KCNN3: variants seen among roughly 807,000 people sequenced by gnomAD.
KCNN3 encodes small conductance calcium-activated potassium channel protein 3.
Under a neutral mutation model 62.9 loss-of-function variants are expected in KCNN3, and 16 were observed. The observed-to-expected ratio is 0.25, with a 90% CI of 0.17 to 0.39. The LOEUF (loss-of-function observed/expected upper bound fraction) is 0.39. KCNN3 is among the 10% of genes least tolerant of loss of function. The pLI, the probability that KCNN3 is intolerant of heterozygous loss-of-function variation, is 1.00. For synonymous variants in KCNN3, 370 were observed against 389.2 expected, an observed-to-expected ratio of 0.95 and a Z score of 0.58; for missense variants, 599 against 949.4, an observed-to-expected ratio of 0.63 and a Z score of 4.85.
chr1:154,830,641 T>G (rs1651345422), intron 1 of KCNN3, among the ~76,000 whole-genome samples: 1 of 152,192 alleles, frequency 6.6e-6, no homozygotes, highest in Admixed American at 6.5e-5. Context: ...CTGGAGCATT[T>G]CCCTGGATCT....
chr1:154,838,742 G>C (rs1365706065), intron 1 of KCNN3, among the ~76,000 whole-genome samples: 2 of 152,184 alleles, frequency 1.3e-5, no homozygotes, highest in Admixed American at 1.3e-4. Flanking sequence ...ACAATTCTAA[G>C]TGCGTTGAGC....
chr1:154,798,566 C>T (rs981198714), intron 2 of KCNN3, among the ~76,000 whole-genome samples: 19 of 152,276 alleles, frequency 1.2e-4, no homozygotes, highest in African/African-American at 4.1e-4. Context: ...CAGGAGCAGC[C>T]TCTATGGGAG....
intron 2 of KCNN3, among the ~76,000 whole-genome samples, chr1:154,784,560 T>C (rs2101854473): frequency 6.6e-6 from 1 of 152,326 alleles, no homozygotes; most frequent in East Asian, 1.9e-4. Context: ...TGGGGCTGGG[T>C]GCCTTCCTCC....
chr1:154,820,789 C>A (rs1650859589), intron 2 of KCNN3, among the ~76,000 whole-genome samples: 1 of 152,218 alleles, frequency 6.6e-6, no homozygotes, highest in Non-Finnish European at 1.5e-5. Context: ...GCTGAAGAGT[C>A]CCAGCATCCA....
intron 1 of KCNN3, among the ~76,000 whole-genome samples, chr1:154,830,313 T>G (rs1195193905): frequency 6.6e-6 from 1 of 152,204 alleles, no homozygotes; most frequent in Non-Finnish European, 1.5e-5. Context: ...CCACCGTCCC[T>G]GGATGAGGAA....
At chr1:154,792,240 G>A (rs903341254) in intron 2 of KCNN3, among the ~76,000 whole-genome samples, 2 of 152,188 alleles carry the variant, frequency 1.3e-5, no homozygotes, top group Non-Finnish European at 2.9e-5. Context: ...GGTCTCCCCC[G>A]TCTGCCATGT....
chr1:154,855,070 T>C (rs551031976), intron 1 of KCNN3, among the ~76,000 whole-genome samples: 1 of 152,064 alleles, frequency 6.6e-6, no homozygotes, highest in Non-Finnish European at 1.5e-5. Flanking sequence ...ATACAAAAAT[T>C]AGCCGGGTGT....
intron 2 of KCNN3, among the ~76,000 whole-genome samples, chr1:154,810,655 G>A (rs1052023460): frequency 6.6e-6 from 1 of 152,202 alleles, no homozygotes; most frequent in Non-Finnish European, 1.5e-5. Flanking sequence ...GCCACCACAA[G>A]GCACAGCCAA....
intron 4 of KCNN3, among the ~76,000 whole-genome samples, chr1:154,728,117 A>G (rs752399106): frequency 6.6e-5 from 10 of 152,134 alleles, no homozygotes; most frequent in African/African-American, 2.4e-4. Context: ...CACCATTCCA[A>G]ATTTCCAGGG....
At chr1:154,713,089 G>T (rs866966827) in intron 7 of KCNN3, among the ~76,000 whole-genome samples, 2 of 152,096 alleles carry the variant, frequency 1.3e-5, no homozygotes, top group Non-Finnish European at 2.9e-5. Context: ...AGTTACCATG[G>T]CCATCGTTAC....
intron 1 of KCNN3, among the ~76,000 whole-genome samples, chr1:154,842,635 CCCCCG>C (rs60376189): frequency 0.58 from 63,897 of 110,686 alleles, 14,825 homozygotes; most frequent in Non-Finnish European, 0.6. Context: ...AGGGACCCCC[CCCCCG>C]CCACCACCTC....
At chr1:154,865,245 C>T (rs1309786575) in intron 1 of KCNN3, among the ~76,000 whole-genome samples, 6 of 152,146 alleles carry the variant, frequency 3.9e-5, no homozygotes, top group African/African-American at 1.4e-4. Context: ...TGCTGGTCTA[C>T]CCAGGTGGCA....
intron 2 of KCNN3, among the ~76,000 whole-genome samples, chr1:154,803,578 T>G (rs139450466): frequency 6.6e-6 from 1 of 152,138 alleles, no homozygotes; most frequent in Non-Finnish European, 1.5e-5. Flanking sequence ...CAGGCAGACA[T>G]GAGTTTGCAT....
intron 2 of KCNN3, among the ~76,000 whole-genome samples, chr1:154,784,022 G>C (rs567386346): frequency 6.6e-6 from 1 of 152,270 alleles, no homozygotes; most frequent in East Asian, 1.9e-4. Context: ...TTTGGCATCA[G>C]ATGAGCTGTC....
chr1:154,771,905 G>T, intron 3 of KCNN3, 70 bp downstream of exon 3: 1 of 1,486,050 alleles, frequency 6.7e-7, no homozygotes, highest in Non-Finnish European at 9.4e-7. Context: ...ATACTTCCTG[G>T]CACCCCTACT....
chr1:154,793,349 C>A (rs1445893290), intron 2 of KCNN3, among the ~76,000 whole-genome samples: 1 of 152,086 alleles, frequency 6.6e-6, no homozygotes, highest in Non-Finnish European at 1.5e-5. Flanking sequence ...AAGAGGCTGA[C>A]CCTGAAAAGT....
At chr1:154,739,536 A>G (rs1700784285) in intron 3 of KCNN3, among the ~76,000 whole-genome samples, 1 of 152,192 alleles carries the variant, frequency 6.6e-6, no homozygotes, top group South Asian at 2.1e-4. Flanking sequence ...AAATCATACC[A>G]CAAGAGTATG....
intron 2 of KCNN3, among the ~76,000 whole-genome samples, chr1:154,783,803 G>C (rs1162108929): frequency 6.6e-6 from 1 of 152,176 alleles, no homozygotes; most frequent in Non-Finnish European, 1.5e-5. Flanking sequence ...ACAGTGCTGA[G>C]ACTGTAAGAT....
intron 2 of KCNN3, among the ~76,000 whole-genome samples, chr1:154,801,398 G>A (rs1649948231): frequency 6.6e-6 from 1 of 152,088 alleles, no homozygotes; most frequent in African/African-American, 2.4e-5. Flanking sequence ...ATTCACTAGA[G>A]GGAAATAGAT....
Sources: gnomAD v4.1 joint callset for allele counts (sites outside exome capture counted in the v4.1 genomes callset) on GRCh38, gnomAD v4.1.1 for gene constraint, MANE v1.5 for transcripts, NCBI Gene and HGNC (gene_info 2026-07-23, HGNC 2026-07-21) for gene names.